Variants in PITPNM3 observed in about 807,000 individuals in gnomAD.
PITPNM3 encodes the protein PITPNM family member 3.
A neutral mutation model predicts 102.0 loss-of-function variants in PITPNM3; 26 were observed. That is an observed-to-expected ratio of 0.25 (90% confidence interval 0.19 to 0.35). The LOEUF is 0.35. Among genes scored for constraint, PITPNM3 ranks in the 10% least tolerant of loss-of-function variants. PITPNM3 has a pLI of 1.00. For synonymous variants in PITPNM3, 578 were observed against 558.6 expected, an observed-to-expected ratio of 1.03 and a Z score of -0.49; for missense variants, 1,083 against 1,346.1, an observed-to-expected ratio of 0.80 and a Z score of 3.06.
Position 6,478,752 on chromosome 17 carries a change from C to A in PITPNM3, c.588-16G>T. ...GGGGTTCAGGCTGCAGACAGGGGGC[C>A]CAAGGTGAGCCCAGCCAGGATCGGG... On this transcript the variant is annotated splice_polypyrimidine_tract_variant and intron_variant, in intron 6 of 19. Transcript: ENST00000262483. The surrounding 1 kb of genome is among the most constrained non-coding windows in gnomAD (Gnocchi z 4.4). 1 of 1,550,108 alleles carries A rather than the reference C, an allele frequency of 6.5e-7. No homozygotes were observed. Among genetic ancestry groups the A allele is most frequent in the Middle Eastern group, 1.8e-4 (1 of 5,650 alleles).
chr17:6,464,262 T>C lies in PITPNM3; in HGVS notation c.2064A>G (p.Thr688=). ...TGCGACCACTGCTGTTGGTGATCTC[T>C]GTGTCCAGGTGTACCCAGCGGCCTG... ...PSSGRWVHLD[T]EITNSSGRIT... The change falls in exon 16 of 20, where the codon ACA becomes ACG. Residue 688 remains threonine, a synonymous_variant. Coordinates refer to ENST00000262483, the MANE Select transcript of PITPNM3 (RefSeq NM_031220.4). 1 of 1,614,180 alleles carries C rather than the reference T, an allele frequency of 6.2e-7. No homozygotes were observed. Among genetic ancestry groups the C allele is most frequent in the Non-Finnish European group, 8.5e-7 (1 of 1,180,016 alleles).
At chr17:6,524,349 G>T (rs372309022) in intron 3 of PITPNM3, among the ~76,000 whole-genome samples, 1 of 152,294 alleles carries the variant, frequency 6.6e-6, no homozygotes, top group African/African-American at 2.4e-5. Flanking sequence ...GGTGGGGAAG[G>T]AGGGATGGAA....
intron 1 of PITPNM3, among the ~76,000 whole-genome samples, chr17:6,541,284 A>AGTGTGT (rs1555561664): frequency 7.6e-5 from 4 of 52,386 alleles, no homozygotes; most frequent in Non-Finnish European, 1.5e-4. Flanking sequence ...AGATATGCTA[A>AGTGTGT]GAGTGTGTGT....
chr17:6,507,923 G>T (rs1358797212), intron 3 of PITPNM3, among the ~76,000 whole-genome samples: 1 of 152,088 alleles, frequency 6.6e-6, no homozygotes, highest in Non-Finnish European at 1.5e-5. Context: ...GTCCAGAGGT[G>T]GGGAGGTGGG....
At chr17:6,465,246 G>A (rs9915654) in intron 14 of PITPNM3, among the ~76,000 whole-genome samples, 57,602 of 151,982 alleles carry the variant, frequency 0.38, 11,723 homozygotes, top group Middle Eastern at 0.58. Flanking sequence ...GGGTTTCTCC[G>A]TGTTGATCAG....
rs1904961813 is a variant in PITPNM3 at position 6,469,653 on chromosome 17, C to T, written c.1773+607G>A. Among the ~76,000 whole-genome samples, 1 of 152,224 alleles carries T rather than the reference C, an allele frequency of 6.6e-6. No individual in the cohort carries two copies. ...CCAAGCCTCCTCTCTAAGTTGGGCC[C>T]CTGCACTGGCCTCACAAGAGGCCTC... is the stretch of plus-strand genomic sequence containing the variant. On this transcript the variant is annotated intron_variant, in intron 13 of 19. Transcript: ENST00000262483. This position sits in a 1 kb window ranked among gnomAD's most constrained non-coding sequence, Gnocchi z 4.0.
rs111943449 is a variant in PITPNM3, at chr17:6,454,514, C to T, written c.*824G>A. 3.3e-5 allele frequency: 5 copies of T among 151,698 alleles called. No individual in the cohort carries two copies. Among genetic ancestry groups the T allele is most frequent in the Non-Finnish European group, 7.3e-5 (5 of 68,114 alleles). 9.4% of individuals were successfully genotyped at this position (151,698 alleles called of 1,614,324 possible). A position where few individuals can be genotyped will look rare whatever the true frequency, so the allele number is the denominator to read the frequency against. On this transcript the variant is annotated 3_prime_UTR_variant, in exon 20 of 20. Coordinates refer to ENST00000262483, the MANE Select transcript of PITPNM3 (RefSeq NM_031220.4). Reference sequence around the variant, plus strand: ...CTCACACCAATCTCAGCTAGGGGGACCCCTCCAATAACAGAAGGAAGACGG... The same window carrying T: ...CTCACACCAATCTCAGCTAGGGGGATCCCTCCAATAACAGAAGGAAGACGG...
rs1249040129 is a variant in PITPNM3 at position 6,478,429 on chromosome 17, G to A, written c.777+118C>T. On this transcript the variant is annotated intron_variant, in intron 7 of 19. Coordinates refer to ENST00000262483, the MANE Select transcript of PITPNM3 (RefSeq NM_031220.4). This position sits in a 1 kb window ranked among gnomAD's most constrained non-coding sequence, Gnocchi z 4.4. ...TCAGAGATCTCAAAAGCCACCTTTG[G>A]GCTCAGAGGCTGATTCGAGAACAGC... 1 of 1,318,472 alleles carries A rather than the reference G, an allele frequency of 7.6e-7. No homozygotes were observed. The highest frequency in any genetic ancestry group is 1.1e-6 in the Non-Finnish European group (1 of 938,518). The allele number at this position is 1,318,472 out of a possible 1,614,324, so 81.7% of individuals were successfully genotyped here.
chr17:6,461,200 G>A (rs1904431787), intron 18 of PITPNM3, among the ~76,000 whole-genome samples, 173 bp downstream of exon 18: 1 of 152,222 alleles, frequency 6.6e-6, no homozygotes, highest in Non-Finnish European at 1.5e-5. Context: ...TGTCAACGAC[G>A]AGACTAATAA....
At chr17:6,464,437 C>T in intron 15 of PITPNM3, 119 bp from the exon 16 acceptor site, 1 of 1,199,462 alleles carries the variant, frequency 8.3e-7, no homozygotes, top group Non-Finnish European at 1.2e-6. Context: ...TGGCTCCTGC[C>T]AGCCTGGCTC....
At position 6,478,601 on chromosome 17, in the gene PITPNM3, G is replaced by T; in HGVS notation, c.723C>A (p.Asn241Lys). Reference protein sequence around the residue: ...DAVATVIERANQVYREFLKSS... With the variant: ...DAVATVIERAKQVYREFLKSS... The stretch of plus-strand genomic sequence containing the variant: ...ACTTCAGGAACTCTCTGTAGACCTG[G>T]TTGGCTCGCTCGATGACGGTGGCGA... The change falls in exon 7 of 20, where the codon AAC (asparagine) becomes AAA (lysine). Residue 241 changes from asparagine to lysine, a missense_variant. Physicochemically the swap from Asn to Lys is moderately conservative, Grantham distance 94. Transcript: ENST00000262483. This position sits in a 1 kb window ranked among gnomAD's most constrained non-coding sequence, Gnocchi z 4.4. 1 of 1,614,128 alleles carries T rather than the reference G, an allele frequency of 6.2e-7. No individual in the cohort carries two copies. The highest frequency in any genetic ancestry group is 8.5e-7 in the Non-Finnish European group (1 of 1,180,024).
At chr17:6,519,701 G>A (rs1908401255) in intron 3 of PITPNM3, among the ~76,000 whole-genome samples, 2 of 151,882 alleles carry the variant, frequency 1.3e-5, no homozygotes, top group Admixed American at 6.6e-5. Context: ...ATGGTGGCGG[G>A]CGCCTGTAAT....
At chr17:6,541,281 C>T (rs1597414974) in intron 1 of PITPNM3, among the ~76,000 whole-genome samples, 1 of 74,144 alleles carries the variant, frequency 1.3e-5, no homozygotes, top group Admixed American at 1.6e-4. Context: ...CCCAGATATG[C>T]TAAGAGTGTG....
rs149384399 is a variant in PITPNM3, at chr17:6,511,437, A to G, written c.227-7863T>C. 5.0e-3 allele frequency among the ~76,000 whole-genome samples: 767 copies of G among 152,374 alleles called. 5 individuals carry two copies. The highest frequency in any genetic ancestry group is 0.017 in the African/African-American group (723 of 41,596). On this transcript the variant is annotated intron_variant, in intron 3 of 19. Transcript: ENST00000262483. ...AAATAAGAAGTGTCCTTAGCAGACC[A>G]GAAACTGTGTGGCATCCCCAAAAGT...
At chr17:6,550,403 A>C (rs895504156) in intron 1 of PITPNM3, among the ~76,000 whole-genome samples, 1 of 152,208 alleles carries the variant, frequency 6.6e-6, no homozygotes, top group African/African-American at 2.4e-5. Context: ...ATCTGAGCCA[A>C]ATGGGTCCCA....
intron 4 of PITPNM3, among the ~76,000 whole-genome samples, chr17:6,501,153 C>T (rs1597387384): frequency 6.6e-6 from 1 of 152,198 alleles, no homozygotes; most frequent in Non-Finnish European, 1.5e-5. Context: ...AGCCCCATGT[C>T]GGGTGGCTGT....
rs771890371 is a variant in PITPNM3, at chr17:6,457,626, G to A, written c.2587C>T (p.Arg863Trp). ...LPASQIFIVG[R>W]PTKKYQTQCQ... is the part of the protein sequence containing the mutation. ...TGGGTTTGGTACTTCTTGGTGGGCC[G>A]GCCCACAATGAAGATCTGGGAGGCA... Residue 863 changes from arginine (R) to tryptophan (W), a missense_variant, in exon 19 of 20, where the codon CGG becomes TGG. By Grantham distance (101) the Arg-to-Trp change is moderately radical (BLOSUM62 -3). This residue lies in a region of PITPNM3 where 208 missense variants were observed against 178.2 expected (regional missense o/e 1.17). Coordinates refer to ENST00000262483, the MANE Select transcript of PITPNM3 (RefSeq NM_031220.4). The surrounding 1 kb of genome is among the most constrained non-coding windows in gnomAD (Gnocchi z 4.7). 31 of 1,606,762 alleles carry A rather than the reference G, an allele frequency of 1.9e-5. No individual in the cohort carries two copies. The highest frequency in any genetic ancestry group is 2.6e-5 in the Non-Finnish European group (31 of 1,176,266).
intron 1 of PITPNM3, among the ~76,000 whole-genome samples, chr17:6,542,287 G>A (rs570684075): frequency 3.5e-4 from 54 of 152,354 alleles, no homozygotes; most frequent in African/African-American, 1.3e-3. Flanking sequence ...ACATTCCTGC[G>A]TAGAGGTGTC....
At chr17:6,487,542 G>A (rs564756030) in intron 4 of PITPNM3, among the ~76,000 whole-genome samples, 3 of 152,158 alleles carry the variant, frequency 2.0e-5, no homozygotes, top group Non-Finnish European at 4.4e-5. Flanking sequence ...TGCTGGGCTG[G>A]GCGCCTGTTT....
Sources: allele counts gnomAD v4.1 joint callset (sites outside exome capture counted in the v4.1 genomes callset), GRCh38; gene constraint gnomAD v4.1.1; regional missense constraint gnomAD v4.1.1; non-coding constraint Gnocchi (gnomAD v3.1); transcripts MANE v1.5; gene names NCBI Gene and HGNC (gene_info 2026-07-23, HGNC 2026-07-21).